The following MTUS2 variants were observed in gnomAD, a reference collection of about 807,000 sequenced individuals.
MTUS2 encodes the protein microtubule-associated tumor suppressor candidate 2.
Under a neutral mutation model 114.1 loss-of-function variants are expected in MTUS2, and 40 were observed. That is an observed-to-expected ratio of 0.35 (90% CI 0.27 to 0.46). The LOEUF (loss-of-function observed/expected upper bound fraction) is 0.46. MTUS2 is among the 20% of genes least tolerant of loss of function. MTUS2 has a pLI of 1.00. For synonymous variants in MTUS2, 688 were observed against 672.0 expected (o/e 1.02, Z -0.37); for missense variants, 1,679 against 1,705.4 (o/e 0.98, Z 0.27).
chr13:29,339,793 G>A (rs4997658), intron 7 of MTUS2: 8,542 of 156,962 alleles, frequency 0.054, 309 homozygotes, highest in Non-Finnish European at 0.081. Context: ...TCCCATTGAC[G>A]TAGACGACTT....
intron 4 of MTUS2, among the ~76,000 whole-genome samples, chr13:29,100,250 C>G (rs536116150): frequency 1.3e-5 from 2 of 152,186 alleles, no homozygotes; most frequent in Non-Finnish European, 2.9e-5. Flanking sequence ...ACAGTCTGCA[C>G]TATCTCCTCC....
At chr13:29,358,454 A>G (rs1418168242) in intron 7 of MTUS2, among the ~76,000 whole-genome samples, 1 of 152,226 alleles carries the variant, frequency 6.6e-6, no homozygotes, top group Non-Finnish European at 1.5e-5. Flanking sequence ...GCAGGAGCCA[A>G]GTCACAGAGG....
intron 5 of MTUS2, among the ~76,000 whole-genome samples, chr13:29,236,390 G>A (rs1272085231): frequency 6.6e-6 from 1 of 152,098 alleles, no homozygotes; most frequent in Admixed American, 6.5e-5. Flanking sequence ...TCTGACCCCA[G>A]TCAGTCAACT....
At chr13:29,336,617 G>T (rs1901077781) in intron 7 of MTUS2, among the ~76,000 whole-genome samples, 1 of 152,206 alleles carries the variant, frequency 6.6e-6, no homozygotes, top group African/African-American at 2.4e-5. Context: ...GGAGGCATGG[G>T]GGTCAGGGAC....
At chr13:29,097,259 T>C (rs1288324484) in intron 4 of MTUS2, among the ~76,000 whole-genome samples, 1 of 152,202 alleles carries the variant, frequency 6.6e-6, no homozygotes, top group Non-Finnish European at 1.5e-5. Flanking sequence ...TAAATGTTTC[T>C]TTAAGTGCTA....
intron 5 of MTUS2, among the ~76,000 whole-genome samples, chr13:29,267,304 C>T (rs1897702694): frequency 6.6e-6 from 1 of 152,208 alleles, no homozygotes; most frequent in African/African-American, 2.4e-5. Context: ...ATGCCAACTC[C>T]TCCAAGAGGT....
intron 5 of MTUS2, among the ~76,000 whole-genome samples, chr13:29,200,521 G>GGTTTTTT (rs1309388936): frequency 7.0e-5 from 6 of 85,432 alleles, no homozygotes; most frequent in African/African-American, 3.0e-4. Context: ...TTCTTTTTCT[G>GGTTTTTT]TTTTTTTTTT....
intron 6 of MTUS2, among the ~76,000 whole-genome samples, chr13:29,314,159 C>T (rs1047429831): frequency 6.6e-6 from 1 of 152,168 alleles, no homozygotes; most frequent in Non-Finnish European, 1.5e-5. Context: ...ACTCAAATAA[C>T]AGCCATGCCA....
At chr13:29,397,894 A>G (rs1377968066) in intron 8 of MTUS2, among the ~76,000 whole-genome samples, 2 of 152,256 alleles carry the variant, frequency 1.3e-5, no homozygotes, top group South Asian at 2.1e-4. Context: ...TTTAATATAT[A>G]TTAGAGTAAA....
At chr13:28,909,735 A>C (rs528039409) in intron 2 of MTUS2, among the ~76,000 whole-genome samples, 11 of 152,266 alleles carry the variant, frequency 7.2e-5, no homozygotes, top group African/African-American at 2.4e-4. Flanking sequence ...GAGGAAGTCA[A>C]ATTGTCCCTG....
intron 7 of MTUS2, among the ~76,000 whole-genome samples, chr13:29,325,464 A>T (rs1900445334): frequency 9.6e-6 from 1 of 103,704 alleles, no homozygotes; most frequent in Non-Finnish European, 2.1e-5. Flanking sequence ...TCAAAAAAAA[A>T]AAAAAAGAAA....
At chr13:29,447,120 A>G (rs553502943) in intron 9 of MTUS2, among the ~76,000 whole-genome samples, 1 of 119,362 alleles carries the variant, frequency 8.4e-6, no homozygotes, top group South Asian at 2.4e-4. Context: ...ATTCCAAAAT[A>G]AAAAAAAATC....
chr13:28,981,878 A>C (rs976775255), intron 2 of MTUS2, among the ~76,000 whole-genome samples: 7 of 152,250 alleles, frequency 4.6e-5, no homozygotes, highest in African/African-American at 1.7e-4. Flanking sequence ...TGTCACCCCG[A>C]GGCTCAAGTG....
At chr13:28,940,754 G>T (rs1882189207) in intron 2 of MTUS2, among the ~76,000 whole-genome samples, 1 of 152,052 alleles carries the variant, frequency 6.6e-6, no homozygotes, top group South Asian at 2.1e-4. Context: ...GCTGAAGCAT[G>T]GACATAAAAA....
chr13:29,451,624 G>A (rs1052956865), intron 9 of MTUS2, among the ~76,000 whole-genome samples: 6 of 148,802 alleles, frequency 4.0e-5, no homozygotes, highest in African/African-American at 1.5e-4. Flanking sequence ...TGCTCTTGTT[G>A]CCCAGGCTAG....
At chr13:28,922,742 A>G (rs1197328826) in intron 2 of MTUS2, among the ~76,000 whole-genome samples, 3 of 151,820 alleles carry the variant, frequency 2.0e-5, no homozygotes, top group Admixed American at 2.0e-4. Context: ...TGTCTTTCCT[A>G]CCCCCCTTCA....
chr13:29,366,743 A>G (rs1025752106), intron 8 of MTUS2, among the ~76,000 whole-genome samples: 2 of 152,172 alleles, frequency 1.3e-5, no homozygotes, highest in Non-Finnish European at 2.9e-5. Flanking sequence ...CCTTGGGGAC[A>G]CCACCAAGTG....
chr13:29,383,234 G>A (rs1280667662), intron 8 of MTUS2, among the ~76,000 whole-genome samples: 1 of 24,422 alleles, frequency 4.1e-5, no homozygotes, highest in African/African-American at 8.0e-5. Flanking sequence ...GTGTGTGTGT[G>A]TGTGTGTGTG....
At chr13:29,248,927 G>T (rs1293571602) in intron 5 of MTUS2, among the ~76,000 whole-genome samples, 1 of 152,150 alleles carries the variant, frequency 6.6e-6, no homozygotes, top group Admixed American at 6.5e-5. Context: ...GAATAGTGCT[G>T]CAATAAACAT....
Sources: gnomAD v4.1 joint callset for allele counts (sites outside exome capture counted in the v4.1 genomes callset) on GRCh38, gnomAD v4.1.1 for gene constraint, MANE v1.5 for transcripts, NCBI Gene and HGNC (gene_info 2026-07-23, HGNC 2026-07-21) for gene names.